Variants in ATP13A4 observed in about 807,000 individuals in gnomAD.
The protein encoded by ATP13A4 is ATPase 13A4, also known as probable cation-transporting ATPase 13A4.
In ATP13A4, 114 loss-of-function variants were observed where a neutral mutation model predicts 142.5. The observed-to-expected ratio is 0.80, with a 90% CI of 0.69 to 0.93. The LOEUF (loss-of-function observed/expected upper bound fraction) is 0.93. ATP13A4 is among the 40% of genes least tolerant of loss of function. ATP13A4 has a pLI of 0.00. For synonymous variants in ATP13A4, 488 were observed against 514.8 expected (o/e 0.95, Z 0.70); for missense variants, 1,392 against 1,454.0 (o/e 0.96, Z 0.69).
intron 2 of ATP13A4, among the ~76,000 whole-genome samples, chr3:193,512,681 C>T (rs1441165896): frequency 6.6e-6 from 1 of 152,170 alleles, no homozygotes; most frequent in South Asian, 2.1e-4. Context: ...GATAGCCTCT[C>T]TAGATTATTC....
At position 193,424,068 on chromosome 3, in the gene ATP13A4, C is replaced by T. The variant is rs748526395; in HGVS notation, c.2843-9318G>A. 2.7e-5 allele frequency among the ~76,000 whole-genome samples: 4 copies of T among 149,026 alleles called. 1 individual carries two copies. Among genetic ancestry groups the T allele is most frequent in the Admixed American group, 7.0e-5 (1 of 14,310 alleles). ...TATAAAAGAAATAAAGAAGACAATG[C>T]CACTTTCAACAGCTACACCACAAAA... On this transcript the variant is annotated intron_variant, in intron 25 of 29. Coordinates refer to ENST00000342695, the MANE Select transcript of ATP13A4 (RefSeq NM_032279.4).
At chr3:193,416,550 A>T (rs1715073372) in intron 25 of ATP13A4, among the ~76,000 whole-genome samples, 1 of 152,182 alleles carries the variant, frequency 6.6e-6, no homozygotes, top group South Asian at 2.1e-4. Flanking sequence ...AAGTTAAGTG[A>T]AAACAGCAAA....
chr3:193,579,613 G>T (rs948519138), intron 2 of ATP13A4: 3 of 151,950 alleles, frequency 2.0e-5, no homozygotes, highest in Admixed American at 6.6e-5. Flanking sequence ...GGTTAAATTG[G>T]CCATATGACT....
rs147096213 is a variant in ATP13A4, at chr3:193,499,205, A to G, written c.381+3288T>C. On this transcript the variant is annotated intron_variant, in intron 3 of 29. Transcript: ENST00000342695. ...TTGAAACATAATGCATTTAAAAAGT[A>G]TATCTTATTGCCGATTTAGAGTGAA... Among the ~76,000 whole-genome samples, 181 of 152,324 alleles carry G rather than the reference A, an allele frequency of 1.2e-3. 3 individuals carry two copies. The Middle Eastern group carries it at 0.024, about 20-fold the overall frequency.
At chr3:193,458,887 C>G (rs1056854119) in intron 14 of ATP13A4, 194 bp downstream of exon 14, 1 of 708,860 alleles carries the variant, frequency 1.4e-6, no homozygotes, top group African/African-American at 1.8e-5. Flanking sequence ...TCCTCACAAT[C>G]TCATTATGTA....
chr3:193,583,593 A>T (rs1724613965), intron 1 of ATP13A4, among the ~76,000 whole-genome samples: 1 of 152,266 alleles, frequency 6.6e-6, no homozygotes. Context: ...GCATGTAATC[A>T]TAATAGTTGT....
At position 193,404,978 on chromosome 3, in the gene ATP13A4, C is replaced by T. The variant is rs187324271; in HGVS notation, c.3379-2114G>A. ...AGGTGGGGGCAATTAAAGCTATCCA[C>T]ACTACCTCTCATGCCTCTCAGCTGG... On this transcript the variant is annotated intron_variant, in intron 29 of 29. Coordinates refer to ENST00000342695, the MANE Select transcript of ATP13A4 (RefSeq NM_032279.4). 1.6e-3 allele frequency among the ~76,000 whole-genome samples: 237 copies of T among 152,312 alleles called. 1 individual carries two copies. Among genetic ancestry groups the T allele is most frequent in the African/African-American group, 5.3e-3 (222 of 41,580 alleles).
Position 193,526,109 on chromosome 3 carries a change from C to T in ATP13A4, c.61-11238G>A, listed in dbSNP as rs115273493. On this transcript the variant is annotated intron_variant, in intron 1 of 29. Coordinates refer to ENST00000342695, the MANE Select transcript of ATP13A4 (RefSeq NM_032279.4). ...AGGCCATATCATTTATGAAATGATA[C>T]GGATATATCTTAGGAATATAATAAT... Among the ~76,000 whole-genome samples, 753 of 152,154 alleles carry T rather than the reference C, an allele frequency of 4.9e-3. 1 individual carries two copies. Among genetic ancestry groups the T allele is most frequent in the Non-Finnish European group, 8.0e-3 (543 of 68,012 alleles).
chr3:193,554,346 C>T (rs1375609161), intron 1 of ATP13A4: 2 of 276,160 alleles, frequency 7.2e-6, no homozygotes, highest in South Asian at 4.0e-5. Flanking sequence ...TGAACTTCTG[C>T]TTCTTCCTAT....
rs2108691766 is a variant in ATP13A4, at chr3:193,522,211, C to A, written c.61-7340G>T. On this transcript the variant is annotated intron_variant, in intron 1 of 29. Transcript: ENST00000342695. ...TCAGCTACTGCCTATGGAAACTCCTCCTTGTCACACAGATTGGCCGACAGA... is the reference window on the plus strand; with the variant it reads ...TCAGCTACTGCCTATGGAAACTCCTACTTGTCACACAGATTGGCCGACAGA... Among the ~76,000 whole-genome samples the A allele has an allele frequency of 2.6e-5, 4 of 152,296 alleles. 1 individual carries two copies. The highest frequency in any genetic ancestry group is 2.6e-4 in the Admixed American group (4 of 15,304).
rs1269182630 is a variant in ATP13A4, at chr3:193,401,917, C to A, written c.*735G>T. ...TTGGGGTGAGGCAGTGAAGAGCCCA[C>A]ACGTGATCTCCAGTCTATTCCTTCC... On this transcript the variant is annotated 3_prime_UTR_variant, in exon 30 of 30. Coordinates refer to ENST00000342695, the MANE Select transcript of ATP13A4 (RefSeq NM_032279.4). 6.6e-6 allele frequency among the ~76,000 whole-genome samples: 1 copy of A among 151,956 alleles called. No homozygotes were observed. Among genetic ancestry groups the A allele is most frequent in the Non-Finnish European group, 1.5e-5 (1 of 67,960 alleles).
intron 2 of ATP13A4, chr3:193,581,680 A>C (rs1209269739): frequency 6.6e-6 from 1 of 152,096 alleles, no homozygotes; most frequent in Admixed American, 6.5e-5. Flanking sequence ...GAGTGTTAGG[A>C]AGGGACACTT....
intron 1 of ATP13A4, among the ~76,000 whole-genome samples, chr3:193,532,341 C>T (rs1722379114): frequency 6.7e-6 from 1 of 150,294 alleles, no homozygotes; most frequent in African/African-American, 2.5e-5. Flanking sequence ...ATACTTTGAG[C>T]TCCCTGGTGA....
At chr3:193,455,340 CAAAAA>C (rs71179306) in intron 16 of ATP13A4, among the ~76,000 whole-genome samples, 3 of 75,560 alleles carry the variant, frequency 4.0e-5, no homozygotes, top group African/African-American at 5.3e-5. Context: ...GACTCCGTCT[CAAAAA>C]AAAAAAAAAA....
chr3:193,572,224 G>C (rs1271933458), intron 2 of ATP13A4, among the ~76,000 whole-genome samples: 1 of 152,100 alleles, frequency 6.6e-6, no homozygotes, highest in Non-Finnish European at 1.5e-5. Context: ...CTCCAATCTG[G>C]GGGACACAAT....
chr3:193,426,024 C>A (rs1715641419), intron 25 of ATP13A4, among the ~76,000 whole-genome samples: 1 of 151,532 alleles, frequency 6.6e-6, no homozygotes, highest in Non-Finnish European at 1.5e-5. Flanking sequence ...TAAGTTGTAT[C>A]TTTTGAAAAG....
Position 193,448,861 on chromosome 3 carries a change from G to T in ATP13A4, c.2028-531C>A, listed in dbSNP as rs151048768. On this transcript the variant is annotated intron_variant, in intron 17 of 29. Transcript: ENST00000342695. ...CAAAAGCTTTGCTTTAACCTTTGCA[G>T]AAAATGAGCTGAAAGCCTGTAAGGG... Among the ~76,000 whole-genome samples, 382 of 152,296 alleles carry T rather than the reference G, an allele frequency of 2.5e-3. 2 individuals are homozygous for T. Among genetic ancestry groups the T allele is most frequent in the Non-Finnish European group, 4.1e-3 (282 of 68,030 alleles).
At chr3:193,572,440 T>C (rs1057491307) in intron 2 of ATP13A4, among the ~76,000 whole-genome samples, 3 of 152,246 alleles carry the variant, frequency 2.0e-5, no homozygotes, top group African/African-American at 7.2e-5. Context: ...CTTTGTTTAT[T>C]AATTTGTTAA....
intron 27 of ATP13A4, among the ~76,000 whole-genome samples, chr3:193,411,515 A>C (rs1163476368): frequency 1.3e-5 from 2 of 152,238 alleles, no homozygotes; most frequent in Non-Finnish European, 2.9e-5. Context: ...AGAAAAGCTA[A>C]ATAATTTTCT....
Sources: gnomAD v4.1 joint callset for allele counts (sites outside exome capture counted in the v4.1 genomes callset) on GRCh38, gnomAD v4.1.1 for gene constraint, MANE v1.5 for transcripts, NCBI Gene and HGNC (gene_info 2026-07-23, HGNC 2026-07-21) for gene names.